ANKRD44: variants seen among roughly 807,000 people sequenced by gnomAD.
ANKRD44 encodes ankyrin repeat domain 44.
In ANKRD44, 35 loss-of-function variants were observed where a neutral mutation model predicts 116.0. The observed-to-expected ratio is 0.30, with a 90% confidence interval of 0.23 to 0.40. ANKRD44 has a LOEUF of 0.40. Ranked by LOEUF, ANKRD44 falls within the 10% of genes least tolerant of loss-of-function variation. The pLI is 1.00. For missense variants in ANKRD44, 1,014 were observed against 1,242.6 expected (o/e 0.82, Z 2.77); for synonymous variants, 435 against 461.8 (o/e 0.94, Z 0.74).
chr2:197,157,433 G>A (rs943498519), intron 2 of ANKRD44, among the ~76,000 whole-genome samples: 4 of 152,090 alleles, frequency 2.6e-5, no homozygotes, highest in African/African-American at 7.2e-5. Flanking sequence ...CCAGCATTTT[G>A]GGAGGCCAAG....
At chr2:197,220,802 C>A (rs150737324) in intron 1 of ANKRD44, among the ~76,000 whole-genome samples, 11 of 152,172 alleles carry the variant, frequency 7.2e-5, no homozygotes, top group Non-Finnish European at 1.3e-4. Flanking sequence ...ATTCAGGAAT[C>A]TACTTTATGT....
At chr2:197,115,541 C>T (rs1232741531) in intron 8 of ANKRD44, among the ~76,000 whole-genome samples, 1 of 152,180 alleles carries the variant, frequency 6.6e-6, no homozygotes, top group African/African-American at 2.4e-5. Flanking sequence ...ACACACATCC[C>T]TCCTCCTCTT....
intron 1 of ANKRD44, among the ~76,000 whole-genome samples, chr2:197,222,605 G>A (rs1327027845): frequency 6.6e-6 from 1 of 152,042 alleles, no homozygotes; most frequent in East Asian, 1.9e-4. Context: ...GAGAAGTTTG[G>A]GAGAAAGGGC....
rs754660333 is a variant in ANKRD44 at position 197,125,412 on chromosome 2, G to T, written c.519C>A (p.Asp173Glu). 11 of 1,614,166 alleles carry T rather than the reference G, an allele frequency of 6.8e-6. No individual in the cohort carries two copies. The highest frequency in any genetic ancestry group is 9.3e-6 in the Non-Finnish European group (11 of 1,180,032). The change falls in exon 6 of 28, where the codon GAC becomes GAA. Residue 173 changes from aspartate (D) to glutamate (E), a missense_variant. Coordinates refer to ENST00000282272, the MANE Select transcript of ANKRD44 (RefSeq NM_001195144.2). ...GANINAFDKKDRRALHWAAYM... is the reference protein window; with the variant it reads ...GANINAFDKKERRALHWAAYM... ...ATGCTGCCCAGTGCAGAGCACGCCG[G>T]TCCTTCTTGTCAAATGCATTGATAT...
At chr2:197,207,883 G>A (rs891817413) in intron 1 of ANKRD44, among the ~76,000 whole-genome samples, 1 of 152,082 alleles carries the variant, frequency 6.6e-6, no homozygotes, top group African/African-American at 2.4e-5. Context: ...AACACAACCA[G>A]CTTTTTAAAA....
intron 1 of ANKRD44, among the ~76,000 whole-genome samples, chr2:197,191,488 T>C (rs2080821623): frequency 6.6e-6 from 1 of 152,148 alleles, no homozygotes; most frequent in South Asian, 2.1e-4. Context: ...ACATCCCCTA[T>C]CGGCACATCC....
chr2:197,126,278 A>G (rs2078972856), intron 4 of ANKRD44, among the ~76,000 whole-genome samples: 1 of 152,220 alleles, frequency 6.6e-6, no homozygotes, highest in Admixed American at 6.5e-5. Context: ...AATCAAATAA[A>G]CCTTCTAAGT....
At chr2:197,227,428 A>G (rs56839821) in intron 1 of ANKRD44, among the ~76,000 whole-genome samples, 26,962 of 152,154 alleles carry the variant, frequency 0.18, 3,323 homozygotes, top group African/African-American at 0.36. Flanking sequence ...CAGATTCTGG[A>G]AAGAATAAAC....
chr2:197,084,251 C>T (rs984223381), intron 13 of ANKRD44, among the ~76,000 whole-genome samples: 1 of 152,178 alleles, frequency 6.6e-6, no homozygotes, highest in Non-Finnish European at 1.5e-5. Flanking sequence ...CTTTCTGGAT[C>T]ATGTCCCTAC....
intron 1 of ANKRD44, among the ~76,000 whole-genome samples, chr2:197,308,216 T>C (rs1331798203): frequency 6.6e-6 from 1 of 150,884 alleles, no homozygotes; most frequent in Non-Finnish European, 1.5e-5. Flanking sequence ...GTTGTTTTAC[T>C]AGAAGCTGAA....
At chr2:197,258,396 TA>T (rs1171688377) in intron 1 of ANKRD44, among the ~76,000 whole-genome samples, 1 of 151,436 alleles carries the variant, frequency 6.6e-6, no homozygotes, top group East Asian at 1.9e-4. Flanking sequence ...GTGCTGGGAT[TA>T]CTTTGGGAAT....
At chr2:197,102,325 A>C (rs72924689) in intron 9 of ANKRD44, among the ~76,000 whole-genome samples, 19,831 of 152,216 alleles carry the variant, frequency 0.13, 1,505 homozygotes, top group Middle Eastern at 0.18. Context: ...CTTCAAGGTA[A>C]ATTTTCAGAA....
chr2:197,008,092 T>A (rs1211491440), intron 19 of ANKRD44, among the ~76,000 whole-genome samples, 169 bp from the exon 20 acceptor site: 1 of 152,242 alleles, frequency 6.6e-6, no homozygotes, highest in Non-Finnish European at 1.5e-5. Context: ...GAACAAGCTA[T>A]CTGCCTCTGC....
At chr2:196,981,467 CTCT>C (rs1430840215) in intron 21 of ANKRD44, among the ~76,000 whole-genome samples, 1 of 152,156 alleles carries the variant, frequency 6.6e-6, no homozygotes, top group Non-Finnish European at 1.5e-5. Context: ...AGTAACCCTC[CTCT>C]GTTACTCTAA....
intron 17 of ANKRD44, among the ~76,000 whole-genome samples, chr2:197,016,648 G>A (rs2076397939): frequency 6.6e-6 from 1 of 152,108 alleles, no homozygotes; most frequent in Admixed American, 6.5e-5. Context: ...TGTTTGCAAT[G>A]TGTGTTTTAG....
chr2:196,995,263 G>T, intron 26 of ANKRD44, 116 bp downstream of exon 26: 1 of 598,510 alleles, frequency 1.7e-6, no homozygotes, highest in East Asian at 3.0e-5. Context: ...AGCCAGGACT[G>T]CATCTTTCAC....
intron 1 of ANKRD44, among the ~76,000 whole-genome samples, chr2:197,310,346 G>T (rs1030793899): frequency 7.7e-6 from 1 of 129,424 alleles, no homozygotes; most frequent in African/African-American, 2.8e-5. Context: ...CAGCGCCCAC[G>T]GGCCCTGCCC....
At chr2:196,968,352 T>C (rs1480034483) in intron 21 of ANKRD44, among the ~76,000 whole-genome samples, 4 of 152,188 alleles carry the variant, frequency 2.6e-5, no homozygotes, top group Non-Finnish European at 5.9e-5. Context: ...AAGGAGTTTA[T>C]GTCTTACTTC....
At chr2:197,068,581 A>G (rs1393837293) in intron 16 of ANKRD44, among the ~76,000 whole-genome samples, 4 of 152,058 alleles carry the variant, frequency 2.6e-5, no homozygotes, top group African/African-American at 9.7e-5. Flanking sequence ...GCTAATATCC[A>G]GAATCTACAA....
Sources: gnomAD v4.1 joint callset for allele counts (sites outside exome capture counted in the v4.1 genomes callset) on GRCh38, gnomAD v4.1.1 for gene constraint, MANE v1.5 for transcripts, NCBI Gene and HGNC (gene_info 2026-07-23, HGNC 2026-07-21) for gene names.